COL25A1: variants seen among roughly 807,000 people sequenced by gnomAD.
The protein encoded by COL25A1 is collagen alpha-1(XXV) chain.
Under a neutral mutation model 128.4 loss-of-function variants are expected in COL25A1, and 103 were observed. The observed-to-expected ratio is 0.80, with a 90% CI of 0.68 to 0.94. The LOEUF is 0.94. Among genes scored for constraint, COL25A1 ranks in the 40% least tolerant of loss-of-function variants. The probability of loss-of-function intolerance (pLI) is 0.00; values close to 1 mark genes in which losing one functional copy is unlikely to be tolerated. For synonymous variants in COL25A1, 279 were observed against 277.2 expected, an observed-to-expected ratio of 1.01 and a Z score of -0.06; for missense variants, 745 against 840.0, an observed-to-expected ratio of 0.89 and a Z score of 1.40.
intron 3 of COL25A1, among the ~76,000 whole-genome samples, chr4:109,207,261 G>T (rs2126190237): frequency 6.6e-6 from 1 of 152,256 alleles, no homozygotes; most frequent in South Asian, 2.1e-4. Flanking sequence ...CTCACTGTGT[G>T]TATATGTGAT....
intron 26 of COL25A1, among the ~76,000 whole-genome samples, chr4:108,851,234 G>A (rs1442204094): frequency 6.6e-6 from 1 of 151,968 alleles, no homozygotes; most frequent in Non-Finnish European, 1.5e-5. Flanking sequence ...ATGTGCTGGA[G>A]AAATAGAAAG....
chr4:108,911,138 T>C (rs1342326999), intron 13 of COL25A1, among the ~76,000 whole-genome samples: 1 of 152,158 alleles, frequency 6.6e-6, no homozygotes, highest in African/African-American at 2.4e-5. Context: ...TGATTTAATA[T>C]CTTACTGGTC....
chr4:109,285,139 G>T (rs142308991), intron 3 of COL25A1, among the ~76,000 whole-genome samples: 1 of 152,052 alleles, frequency 6.6e-6, no homozygotes, highest in African/African-American at 2.4e-5. Context: ...ACCTCTGAAT[G>T]AATTAAGGGA....
At chr4:109,158,884 C>T (rs1039742109) in intron 3 of COL25A1, among the ~76,000 whole-genome samples, 7 of 152,144 alleles carry the variant, frequency 4.6e-5, no homozygotes, top group African/African-American at 1.4e-4. Flanking sequence ...TTTAAGCATC[C>T]AATGTTAACA....
At chr4:108,852,561 G>A (rs932315767) in intron 25 of COL25A1, among the ~76,000 whole-genome samples, 8 of 152,252 alleles carry the variant, frequency 5.3e-5, no homozygotes, top group South Asian at 2.1e-4. Context: ...CACACTCATC[G>A]TATTGGGATG....
intron 3 of COL25A1, among the ~76,000 whole-genome samples, chr4:109,126,482 CA>C (rs1427174529): frequency 6.6e-6 from 1 of 152,020 alleles, no homozygotes; most frequent in African/African-American, 2.4e-5. Flanking sequence ...ACAGTAAAAA[CA>C]AAACACAGTG....
chr4:109,169,085 T>A (rs1773338466), intron 3 of COL25A1, among the ~76,000 whole-genome samples: 1 of 152,194 alleles, frequency 6.6e-6, no homozygotes, highest in Admixed American at 6.6e-5. Context: ...TACATTTTAA[T>A]TCTTTAACTT....
intron 5 of COL25A1, among the ~76,000 whole-genome samples, chr4:109,037,038 T>G (rs1759423651): frequency 6.6e-6 from 1 of 152,182 alleles, no homozygotes; most frequent in African/African-American, 2.4e-5. Context: ...TGCTTTCATG[T>G]GTCCTATAAA....
At chr4:109,173,272 GA>G (rs1773763208) in intron 3 of COL25A1, among the ~76,000 whole-genome samples, 1 of 151,892 alleles carries the variant, frequency 6.6e-6, no homozygotes, top group Admixed American at 6.6e-5. Context: ...AAAAATAGTA[GA>G]GATGAGGTCT....
rs113681869 is a variant in COL25A1, at chr4:109,129,133, AT to A, written c.368-78955del. On this transcript the variant is annotated intron_variant, in intron 3 of 37. Coordinates refer to ENST00000399132, the MANE Select transcript of COL25A1 (RefSeq NM_198721.4). The stretch of plus-strand genomic sequence containing the variant: ...TAGTTGGACCTTATTTTGTCAAATA[AT>A]TTTTTTTTTTTTGAGACAGAGTTTC... Among the ~76,000 whole-genome samples the A allele has an allele frequency of 4.4e-3, 641 of 145,930 alleles. 2 individuals are homozygous for A. The highest frequency in any genetic ancestry group is 0.011 in the African/African-American group (441 of 40,024).
At chr4:109,273,799 T>C (rs759851734) in intron 3 of COL25A1, among the ~76,000 whole-genome samples, 100 of 152,178 alleles carry the variant, frequency 6.6e-4, no homozygotes, top group Non-Finnish European at 1.1e-3. Flanking sequence ...TTTTCTTATA[T>C]GCAAATTGCG....
At chr4:109,195,434 T>C (rs898731114) in intron 3 of COL25A1, among the ~76,000 whole-genome samples, 16 of 152,234 alleles carry the variant, frequency 1.1e-4, no homozygotes, top group African/African-American at 3.9e-4. Flanking sequence ...TAGATCTTAA[T>C]GTTCTGTTCA....
At chr4:108,819,357 TACTAAC>T in intron 35 of COL25A1, 28 bp from the exon 36 acceptor site, 1 of 1,567,350 alleles carries the variant, frequency 6.4e-7, no homozygotes, top group South Asian at 1.1e-5. Context: ...CTCATAATGT[TACTAAC>T]ACAAGAAATC....
chr4:109,182,286 TG>T (rs1774727710), intron 3 of COL25A1, among the ~76,000 whole-genome samples: 1 of 152,138 alleles, frequency 6.6e-6, no homozygotes, highest in Non-Finnish European at 1.5e-5. Context: ...TTTTCCACAA[TG>T]GCTGTTTTCC....
intron 3 of COL25A1, among the ~76,000 whole-genome samples, chr4:109,281,015 A>T (rs2126274860): frequency 6.6e-6 from 1 of 152,342 alleles, no homozygotes; most frequent in Non-Finnish European, 1.5e-5. Context: ...GATATAACAG[A>T]TATAAATATG....
intron 5 of COL25A1, among the ~76,000 whole-genome samples, chr4:109,014,770 A>T (rs116009859): frequency 6.6e-6 from 1 of 152,202 alleles, no homozygotes; most frequent in Non-Finnish European, 1.5e-5. Flanking sequence ...GGGAGGGAAC[A>T]TGAAAAGGAG....
At chr4:109,179,029 C>G (rs1774380125) in intron 3 of COL25A1, among the ~76,000 whole-genome samples, 1 of 151,576 alleles carries the variant, frequency 6.6e-6, no homozygotes, top group Non-Finnish European at 1.5e-5. Context: ...GTTAGACTAG[C>G]ATTTTTAAAA....
rs1730985628 is a variant in COL25A1, at chr4:108,813,650, C to T, written c.*277G>A. On this transcript the variant is annotated 3_prime_UTR_variant, in exon 38 of 38. Coordinates refer to ENST00000399132, the MANE Select transcript of COL25A1 (RefSeq NM_198721.4). ...AAGGAAAATAGCTAGTACAATCAAT[C>T]ATTCTCTACCACTGATTTGTCCATA... 2 of 354,656 alleles carry T rather than the reference C, an allele frequency of 5.6e-6. No individual in the cohort carries two copies. Among genetic ancestry groups the T allele is most frequent in the African/African-American group, 2.1e-5 (1 of 47,350 alleles). 22.0% of individuals were successfully genotyped at this position (354,656 alleles called of 1,614,324 possible). A position where few individuals can be genotyped will look rare whatever the true frequency, so the allele number is the denominator to read the frequency against.
chr4:109,275,942 C>T (rs1722793584), intron 3 of COL25A1, among the ~76,000 whole-genome samples: 1 of 152,202 alleles, frequency 6.6e-6, no homozygotes, highest in African/African-American at 2.4e-5. Context: ...ACCCTTGCTT[C>T]TCAATCCACT....
Sources: allele counts gnomAD v4.1 joint callset (sites outside exome capture counted in the v4.1 genomes callset), GRCh38; gene constraint gnomAD v4.1.1; transcripts MANE v1.5; gene names NCBI Gene and HGNC (gene_info 2026-07-23, HGNC 2026-07-21).